The following DAB1 variants were observed in gnomAD, a reference collection of about 807,000 sequenced individuals.
DAB1 encodes disabled homolog 1.
In DAB1, 15 loss-of-function variants were observed where a neutral mutation model predicts 64.6. That is an observed-to-expected ratio of 0.23 (90% CI 0.16 to 0.36). The LOEUF is 0.36. Among genes scored for constraint, DAB1 ranks in the 10% least tolerant of loss-of-function variants. DAB1 has a pLI of 1.00. For synonymous variants in DAB1, 235 were observed against 251.9 expected (o/e 0.93, Z 0.64); for missense variants, 596 against 706.7 (o/e 0.84, Z 1.78).
At chr1:58,415,908 A>G (rs979738554) in intron 3 of DAB1, among the ~76,000 whole-genome samples, 1 of 152,178 alleles carries the variant, frequency 6.6e-6, no homozygotes, top group African/African-American at 2.4e-5. Context: ...CATTAAATAG[A>G]GTTATAATTA....
chr1:58,525,985 A>G (rs1646343184), intron 2 of DAB1, among the ~76,000 whole-genome samples: 1 of 152,080 alleles, frequency 6.6e-6, no homozygotes, highest in Non-Finnish European at 1.5e-5. Context: ...TGCTGAGTCT[A>G]TTAGCTATCC....
At chr1:57,922,682 A>C (rs1158136638) in intron 5 of DAB1, among the ~76,000 whole-genome samples, 4 of 151,668 alleles carry the variant, frequency 2.6e-5, no homozygotes, top group African/African-American at 7.3e-5. Context: ...CGTCTCTACT[A>C]AAAATACAAA....
chr1:58,024,257 C>T (rs904634625), intron 5 of DAB1, among the ~76,000 whole-genome samples: 10 of 152,082 alleles, frequency 6.6e-5, no homozygotes, highest in Admixed American at 1.3e-4. Context: ...AATTAATATG[C>T]AATGAACTAA....
rs141843047 is a variant in DAB1 at position 58,220,632 on chromosome 1, A to G, written n.310-70044T>C. Among the ~76,000 whole-genome samples, 139 of 152,266 alleles carry G rather than the reference A, an allele frequency of 9.1e-4. No homozygotes were observed. The East Asian group carries it at 0.024, about 26-fold the overall frequency. On this transcript the variant is annotated intron_variant and non_coding_transcript_variant, in intron 4 of 20. Coordinates refer to the DAB1 transcript ENST00000485760. ...GGCTGTGGAGTCTCTGATCCTCTCT[A>G]CTGAAGAACTTAGGGCCTTTCCAGC...
intron 4 of DAB1, among the ~76,000 whole-genome samples, chr1:58,199,252 G>A (rs1657868006): frequency 6.6e-6 from 1 of 152,142 alleles, no homozygotes; most frequent in Non-Finnish European, 1.5e-5. Flanking sequence ...TAAGGTCCTG[G>A]CTGGCTATTT....
chr1:58,075,542 C>T (rs1649584256), intron 5 of DAB1, among the ~76,000 whole-genome samples: 1 of 152,156 alleles, frequency 6.6e-6, no homozygotes, highest in Admixed American at 6.5e-5. Flanking sequence ...GTATGTTGGC[C>T]TATAGAAGGA....
chr1:58,239,590 T>C (rs1190157486), intron 4 of DAB1, among the ~76,000 whole-genome samples: 1 of 152,124 alleles, frequency 6.6e-6, no homozygotes, highest in Non-Finnish European at 1.5e-5. Flanking sequence ...GTGCAGAAAC[T>C]TCAGCTAGGA....
chr1:58,193,002 T>C (rs1657474304), intron 4 of DAB1, among the ~76,000 whole-genome samples: 1 of 152,214 alleles, frequency 6.6e-6, no homozygotes, highest in South Asian at 2.1e-4. Context: ...TAAATTTCTT[T>C]TAAAAATTGA....
chr1:58,411,630 C>T (rs1459190734), intron 3 of DAB1, among the ~76,000 whole-genome samples: 1 of 152,112 alleles, frequency 6.6e-6, no homozygotes, highest in East Asian at 1.9e-4. Flanking sequence ...GAATTGCAGA[C>T]ACTATCCTGA....
upstream of DAB1, among the ~76,000 whole-genome samples, chr1:57,425,257 T>C (rs1288328704): frequency 6.6e-6 from 1 of 152,158 alleles, no homozygotes; most frequent in Non-Finnish European, 1.5e-5. Context: ...AACCCTTCCT[T>C]AAAAAGTTTA....
At chr1:58,091,111 G>GC (rs938212883) in intron 5 of DAB1, among the ~76,000 whole-genome samples, 1 of 152,174 alleles carries the variant, frequency 6.6e-6, no homozygotes, top group African/African-American at 2.4e-5. Flanking sequence ...AGACTCCTTA[G>GC]CCCCCTCCGG....
At chr1:57,472,624 G>T (rs12752905) in intron 7 of DAB1, among the ~76,000 whole-genome samples, 1 of 147,134 alleles carries the variant, frequency 6.8e-6, no homozygotes, top group Non-Finnish European at 1.5e-5. Flanking sequence ...TCACATACCC[G>T]CTGCTTGCTC....
chr1:58,500,699 G>A (rs1396063320), intron 3 of DAB1, among the ~76,000 whole-genome samples: 1 of 152,070 alleles, frequency 6.6e-6, no homozygotes, highest in African/African-American at 2.4e-5. Context: ...TAAACAATGA[G>A]TAAGTTCAAA....
chr1:58,311,376 CTT>C (rs1469578389), intron 4 of DAB1, among the ~76,000 whole-genome samples: 1 of 148,248 alleles, frequency 6.7e-6, no homozygotes, highest in African/African-American at 2.5e-5. Context: ...TTTGACAACA[CTT>C]ATTTCCATTC....
chr1:57,060,169 G>T (rs868863048), intron 9 of DAB1, among the ~76,000 whole-genome samples: 74 of 41,856 alleles, frequency 1.8e-3, no homozygotes, highest in African/African-American at 3.6e-3. Context: ...TATTTTATTT[G>T]AGACGGAGTT....
At chr1:58,067,061 A>T (rs1261040011) in intron 5 of DAB1, among the ~76,000 whole-genome samples, 1 of 152,104 alleles carries the variant, frequency 6.6e-6, no homozygotes, top group Non-Finnish European at 1.5e-5. Context: ...TCCCCATCAG[A>T]ATAGCTAATT....
rs891522787 is a variant in DAB1, at chr1:57,551,026, G to A, written n.625+98566C>T. 2.0e-5 allele frequency among the ~76,000 whole-genome samples: 3 copies of A among 152,178 alleles called. No individual in the cohort carries two copies. In the South Asian group the frequency reaches 6.2e-4, roughly 32 times the overall value. Reference sequence around the variant, plus strand: ...AATCTGGATATCTCAGGGGCTAAATGTCTTGTCCAAAATTACACCAAGTAG... The same window carrying A: ...AATCTGGATATCTCAGGGGCTAAATATCTTGTCCAAAATTACACCAAGTAG... On this transcript the variant is annotated intron_variant and non_coding_transcript_variant, in intron 7 of 20. Coordinates refer to the DAB1 transcript ENST00000485760.
At chr1:58,025,651 GTATATATATATATATATATA>G (rs763787466) in intron 5 of DAB1, among the ~76,000 whole-genome samples, 5 of 75,292 alleles carry the variant, frequency 6.6e-5, no homozygotes, top group East Asian at 3.2e-4. Flanking sequence ...ATATATGTGT[GTATATATATATATATATATA>G]TATATATATA....
At chr1:57,168,585 T>A (rs636943) in intron 2 of DAB1, among the ~76,000 whole-genome samples, 38,576 of 152,102 alleles carry the variant, frequency 0.25, 8,965 homozygotes, top group African/African-American at 0.62. Flanking sequence ...TCACCTTCCC[T>A]TTCCCTGGTC....
Sources: allele counts gnomAD v4.1 joint callset (sites outside exome capture counted in the v4.1 genomes callset), GRCh38; gene constraint gnomAD v4.1.1; transcripts MANE v1.5; gene names NCBI Gene and HGNC (gene_info 2026-07-23, HGNC 2026-07-21).